The following SANBR variants were observed in gnomAD, a reference collection of about 807,000 sequenced individuals.
The protein encoded by SANBR is SANT and BTB domain regulator of class switch recombination.
A neutral mutation model predicts 101.8 loss-of-function variants in SANBR; 77 were observed. That is an observed-to-expected ratio of 0.76 (90% confidence interval 0.63 to 0.91). SANBR has a LOEUF of 0.91. SANBR is among the 40% of genes least tolerant of loss of function. The pLI, the probability that SANBR is intolerant of heterozygous loss-of-function variation, is 0.00. For missense variants in SANBR, 875 were observed against 853.0 expected, an observed-to-expected ratio of 1.03 and a Z score of -0.32; for synonymous variants, 279 against 274.7, an observed-to-expected ratio of 1.02 and a Z score of -0.15.
intron 11 of SANBR, among the ~76,000 whole-genome samples, chr2:61,096,193 A>T (rs1348840859): frequency 1.3e-5 from 2 of 152,016 alleles, no homozygotes; most frequent in Admixed American, 6.6e-5. Context: ...CCTTCTCAAG[A>T]TCTCCTGCCT....
Position 61,070,496 on chromosome 2 carries a change from A to C in SANBR, c.146A>C (p.Lys49Thr), listed in dbSNP as rs572775957. Residue 49 changes from lysine (K) to threonine (T), a missense_variant, in exon 3 of 22, where the codon AAA (lysine) becomes ACA (threonine). By Grantham distance (78) the Lys-to-Thr change is moderately conservative (BLOSUM62 -1). Coordinates refer to ENST00000402291, the MANE Select transcript of SANBR (RefSeq NM_001129993.3). ...IARLVPGLTP[K>T]ECAKRFDELK... ...AGGCTCGTGCCTGGATTAACACCAA[A>C]AGAGGTAAATAACAGTCCCCCCAGA... The C allele has an allele frequency of 4.4e-6, 7 of 1,606,240 alleles. No homozygotes were observed. In the South Asian group the frequency reaches 7.8e-5, roughly 18 times the overall value.
chr2:61,090,262 TTC>T (rs1312136536), intron 10 of SANBR, among the ~76,000 whole-genome samples: 6 of 152,212 alleles, frequency 3.9e-5, no homozygotes, highest in Non-Finnish European at 8.8e-5. Context: ...GATTTTAATT[TTC>T]TTTTTGTTGT....
chr2:61,097,500 T>C (rs1002631174), intron 11 of SANBR, among the ~76,000 whole-genome samples, 200 bp from the exon 12 acceptor site: 7 of 152,112 alleles, frequency 4.6e-5, no homozygotes, highest in African/African-American at 1.4e-4. Flanking sequence ...CTCAAAAAGA[T>C]CCCTCATGCC....
chr2:61,076,721 G>A (rs1170909426), intron 5 of SANBR, among the ~76,000 whole-genome samples, 199 bp from the exon 6 acceptor site: 1 of 151,864 alleles, frequency 6.6e-6, no homozygotes, highest in Non-Finnish European at 1.5e-5. Context: ...TATTACGTCA[G>A]TAATTTGCTA....
intron 6 of SANBR, among the ~76,000 whole-genome samples, chr2:61,078,872 C>T (rs1681936294): frequency 6.6e-6 from 1 of 151,798 alleles, no homozygotes; most frequent in Admixed American, 6.6e-5. Flanking sequence ...AACCCCGTCT[C>T]TACTGAAAAT....
exon 22 of SANBR, chr2:61,137,744 C>T (rs1684893279): frequency 6.6e-6 from 1 of 152,150 alleles, no homozygotes; most frequent in South Asian, 2.1e-4. Flanking sequence ...AATACCCTAT[C>T]ACCGAGGATC....
At chr2:61,102,921 A>G (rs1222984231) in intron 12 of SANBR, among the ~76,000 whole-genome samples, 1 of 152,086 alleles carries the variant, frequency 6.6e-6, no homozygotes, top group African/African-American at 2.4e-5. Flanking sequence ...TGATGGTAAT[A>G]TAATTTGGTA....
chr2:61,114,583 C>T (rs1023844401), intron 16 of SANBR, among the ~76,000 whole-genome samples: 3 of 152,216 alleles, frequency 2.0e-5, no homozygotes, highest in African/African-American at 7.2e-5. Context: ...CCTGACTGAA[C>T]TCCTACATCT....
At chr2:61,129,260 G>A (rs566038880), downstream of SANBR, among the ~76,000 whole-genome samples, 88 of 151,910 alleles carry the variant, frequency 5.8e-4, no homozygotes, top group African/African-American at 1.9e-3. Flanking sequence ...CCTGGCCAAC[G>A]TGGTGAAACC....
chr2:61,129,282 A>G (rs1684609298), intron 20 of SANBR, among the ~76,000 whole-genome samples: 1 of 151,970 alleles, frequency 6.6e-6, no homozygotes, highest in Admixed American at 6.6e-5. Flanking sequence ...CATCTCTACT[A>G]AAAATACAAA....
At chr2:61,100,324 C>A (rs575016465) in intron 12 of SANBR, among the ~76,000 whole-genome samples, 1 of 152,224 alleles carries the variant, frequency 6.6e-6, no homozygotes, top group South Asian at 2.1e-4. Flanking sequence ...AGGCTGGTCT[C>A]GAACTCCTGA....
intron 12 of SANBR, among the ~76,000 whole-genome samples, chr2:61,099,834 GAA>G (rs2104921061): frequency 6.6e-6 from 1 of 152,252 alleles, no homozygotes; most frequent in African/African-American, 2.4e-5. Context: ...TAATATTAAA[GAA>G]AGAGTGGACT....
At chr2:61,132,227 T>A (rs941742335) in intron 20 of SANBR, among the ~76,000 whole-genome samples, 43 of 152,202 alleles carry the variant, frequency 2.8e-4, no homozygotes, top group African/African-American at 9.9e-4. Context: ...AGTGAAAAGA[T>A]AGCTTACAGA....
intron 16 of SANBR, among the ~76,000 whole-genome samples, chr2:61,114,365 A>G (rs926462168): frequency 2.6e-5 from 4 of 152,330 alleles, no homozygotes; most frequent in South Asian, 2.1e-4. Context: ...GTAGAGAGCA[A>G]TCATGCACCC....
Position 61,071,655 on chromosome 2 carries a change from A to G in SANBR, c.200A>G (p.Asp67Gly). The G allele has an allele frequency of 6.3e-7, 1 of 1,587,836 alleles. No homozygotes were observed. Among genetic ancestry groups the G allele is most frequent in the South Asian group, 1.2e-5 (1 of 85,438 alleles). Residue 67 changes from aspartate (D) to glycine (G), a missense_variant, in exon 4 of 22, where the codon GAC (aspartate) becomes GGC (glycine). By Grantham distance (94) the Asp-to-Gly change is moderately conservative. Coordinates refer to ENST00000402291, the MANE Select transcript of SANBR (RefSeq NM_001129993.3). The stretch of plus-strand genomic sequence containing the variant: ...AAGAGCAGTGGAAGCTCGCCTGTTG[A>G]CAACCAGTATAATTCCCTAATGGCT... ...ELKSSGSSPV[D>G]NQYNSLMAAG...
At chr2:61,080,614 A>G (rs1177296) in intron 6 of SANBR, among the ~76,000 whole-genome samples, 116,561 of 152,076 alleles carry the variant, frequency 0.77, 46,059 homozygotes, top group African/African-American at 0.94. Context: ...CCAGCTACTC[A>G]GGAGGCTAAT....
At chr2:61,096,427 G>A (rs909716225) in intron 11 of SANBR, among the ~76,000 whole-genome samples, 8 of 152,144 alleles carry the variant, frequency 5.3e-5, no homozygotes, top group Non-Finnish European at 1.0e-4. Flanking sequence ...CTGGGACTCA[G>A]GGTCCATCCT....
chr2:61,070,307 G>A (rs752223469), intron 2 of SANBR, 35 bp from the exon 3 acceptor site: 10 of 1,490,736 alleles, frequency 6.7e-6, no homozygotes, highest in Non-Finnish European at 9.0e-6. Flanking sequence ...TGGATTTCGG[G>A]TTTAAATAAA....
At chr2:61,092,619 G>A in intron 11 of SANBR, 32 bp downstream of exon 11, 2 of 1,499,770 alleles carry the variant, frequency 1.3e-6, no homozygotes, top group South Asian at 2.7e-5. Context: ...ATCCTGCTCT[G>A]CAAATATTGA....
Sources: gnomAD v4.1 joint callset for allele counts (sites outside exome capture counted in the v4.1 genomes callset) on GRCh38, gnomAD v4.1.1 for gene constraint, MANE v1.5 for transcripts, NCBI Gene and HGNC (gene_info 2026-07-23, HGNC 2026-07-21) for gene names.